Variants in DAB2IP observed in about 807,000 individuals in gnomAD.
DAB2IP encodes DAB2 interacting protein.
Under a neutral mutation model 107.2 loss-of-function variants are expected in DAB2IP, and 28 were observed. That is an observed-to-expected ratio of 0.26 (90% CI 0.19 to 0.36). DAB2IP has a LOEUF of 0.36. Among genes scored for constraint, DAB2IP ranks in the 10% least tolerant of loss-of-function variants. The pLI, the probability that DAB2IP is intolerant of heterozygous loss-of-function variation, is 1.00. For synonymous variants in DAB2IP, 755 were observed against 706.4 expected, an observed-to-expected ratio of 1.07 and a Z score of -1.09; for missense variants, 1,400 against 1,644.7, an observed-to-expected ratio of 0.85 and a Z score of 2.57.
rs115210365 is a variant in DAB2IP, at chr9:121,659,318, G to A, written c.124+7419G>A. 6.6e-3 allele frequency among the ~76,000 whole-genome samples: 1,011 copies of A among 152,276 alleles called. 14 individuals are homozygous for A. Among genetic ancestry groups the A allele is most frequent in the African/African-American group, 0.023 (960 of 41,536 alleles). On this transcript the variant is annotated intron_variant, in intron 1 of 15. Coordinates refer to ENST00000408936, the Ensembl canonical transcript of DAB2IP. ...TCTATCCATTTACACCTCTATTCTG[G>A]GGACACAGAGTTTGGCCTAGGAGCG... is the stretch of plus-strand genomic sequence containing the variant.
chr9:121,749,580 G>A (rs1230484071), intron 3 of DAB2IP, among the ~76,000 whole-genome samples: 1 of 152,226 alleles, frequency 6.6e-6, no homozygotes, highest in Non-Finnish European at 1.5e-5. Context: ...ACACAGGCTG[G>A]TGGGCTGGAG....
At chr9:121,631,536 G>A (rs1194310181) in intron 1 of DAB2IP, among the ~76,000 whole-genome samples, 4 of 152,096 alleles carry the variant, frequency 2.6e-5, no homozygotes, top group Non-Finnish European at 4.4e-5. Context: ...AGAAGCTTGC[G>A]GCCCGACGCG....
chr9:121,738,603 G>A (rs1832099922), intron 3 of DAB2IP, among the ~76,000 whole-genome samples: 1 of 152,176 alleles, frequency 6.6e-6, no homozygotes, highest in Admixed American at 6.5e-5. Flanking sequence ...TTCCAGAGCA[G>A]TTAAACGAAA....
intron 1 of DAB2IP, among the ~76,000 whole-genome samples, chr9:121,596,146 C>A (rs1169236237): frequency 6.6e-6 from 1 of 152,096 alleles, no homozygotes; most frequent in Non-Finnish European, 1.5e-5. Context: ...CATGGAGAAA[C>A]CCTGTCTCTA....
At chr9:121,660,259 G>A (rs969983688) in intron 1 of DAB2IP, among the ~76,000 whole-genome samples, 1 of 152,164 alleles carries the variant, frequency 6.6e-6, no homozygotes, top group Non-Finnish European at 1.5e-5. Flanking sequence ...CTCCCAGGTG[G>A]TGTTATCAGC....
At chr9:121,675,866 G>A (rs1263085339) in intron 1 of DAB2IP, among the ~76,000 whole-genome samples, 1 of 152,202 alleles carries the variant, frequency 6.6e-6, no homozygotes, top group Admixed American at 6.5e-5. Flanking sequence ...GTGCGAAGGG[G>A]TGAGAGATGA....
At chr9:121,712,345 C>T (rs924885798) in intron 3 of DAB2IP, among the ~76,000 whole-genome samples, 1 of 152,206 alleles carries the variant, frequency 6.6e-6, no homozygotes, top group Non-Finnish European at 1.5e-5. Flanking sequence ...GTGTGATCAG[C>T]TGTTGTGGGG....
rs1444553686 is a variant in DAB2IP at position 121,599,889 on chromosome 9, G to A, written c.40+32661G>A. On this transcript the variant is annotated intron_variant, in intron 1 of 16. Transcript: ENST00000259371. This position sits in a 1 kb window ranked among gnomAD's most constrained non-coding sequence, Gnocchi z 6.9. ...GCGAGGTGTTGGGGTAGGGGACTGA[G>A]GAATGGGCGGCGACTTTGCTTTATT... Among the ~76,000 whole-genome samples, 1 of 152,178 alleles carries A rather than the reference G, an allele frequency of 6.6e-6. No individual in the cohort carries two copies. Among genetic ancestry groups the A allele is most frequent in the Non-Finnish European group, 1.5e-5 (1 of 68,010 alleles).
At chr9:121,675,383 T>C (rs1347858719) in intron 1 of DAB2IP, among the ~76,000 whole-genome samples, 2 of 152,128 alleles carry the variant, frequency 1.3e-5, no homozygotes, top group Non-Finnish European at 1.5e-5. Flanking sequence ...TGAGGTAGAA[T>C]GGCTTTCGGT....
chr9:121,626,867 G>T (rs1198326247), intron 1 of DAB2IP, among the ~76,000 whole-genome samples: 1 of 152,060 alleles, frequency 6.6e-6, no homozygotes, highest in Non-Finnish European at 1.5e-5. Context: ...AATTTCTAAA[G>T]ACTTTTAATC....
chr9:121,700,479 G>A (rs1421974376), intron 3 of DAB2IP, among the ~76,000 whole-genome samples: 3 of 152,260 alleles, frequency 2.0e-5, no homozygotes, highest in East Asian at 3.9e-4. Flanking sequence ...GGCAGGCACC[G>A]AGGAGCCTTT....
intron 1 of DAB2IP, among the ~76,000 whole-genome samples, chr9:121,607,063 C>T (rs557832882): frequency 6.6e-6 from 1 of 152,280 alleles, no homozygotes; most frequent in South Asian, 2.1e-4. Flanking sequence ...GCATGAGCCA[C>T]CATGCCTGGC....
intron 1 of DAB2IP, among the ~76,000 whole-genome samples, chr9:121,640,789 C>G (rs564316565): frequency 2.0e-5 from 3 of 152,306 alleles, no homozygotes; most frequent in African/African-American, 7.2e-5. Flanking sequence ...GCCTCTGGAC[C>G]TCTGACTTGA....
At chr9:121,666,598 G>T (rs750383275) in intron 1 of DAB2IP, among the ~76,000 whole-genome samples, 4 of 152,104 alleles carry the variant, frequency 2.6e-5, no homozygotes, top group African/African-American at 9.7e-5. Flanking sequence ...GCCTGTCGGC[G>T]GGTTGGGGGG....
chr9:121,619,427 G>A (rs1010234452), intron 1 of DAB2IP, among the ~76,000 whole-genome samples: 2 of 152,212 alleles, frequency 1.3e-5, no homozygotes, highest in African/African-American at 2.4e-5. Flanking sequence ...GATTACAGGC[G>A]TGAGCCACTG....
chr9:121,694,300 G>A (rs1829308296), intron 2 of DAB2IP, among the ~76,000 whole-genome samples: 1 of 152,140 alleles, frequency 6.6e-6, no homozygotes, highest in South Asian at 2.1e-4. Flanking sequence ...ACTTCTCTGA[G>A]CCTGCATTCC....
At chr9:121,730,141 G>T (rs911317884) in intron 3 of DAB2IP, among the ~76,000 whole-genome samples, 4 of 152,250 alleles carry the variant, frequency 2.6e-5, no homozygotes, top group Middle Eastern at 3.4e-3. Context: ...CCCACTGGCC[G>T]CCAAGGAAAG....
In DAB2IP at chr9:121,737,604, C is replaced by T. The variant is rs1195059204; in HGVS notation, c.363-19409C>T. 5.1e-6 allele frequency: 5 copies of T among 985,430 alleles called. No individual in the cohort carries two copies. The East Asian group carries it at 4.5e-4, about 89-fold the overall frequency. 61.0% of individuals were successfully genotyped at this position (985,430 alleles called of 1,614,324 possible). A position where few individuals can be genotyped will look rare whatever the true frequency, so the allele number is the denominator to read the frequency against. On this transcript the variant is annotated intron_variant, in intron 3 of 15. Transcript: ENST00000408936. Reference sequence around the variant, plus strand: ...AAGATCCTGGGCCGGGCCGGAGGGGCTGCTCACTGGAGACCTGGCCATCTT... The same window carrying T: ...AAGATCCTGGGCCGGGCCGGAGGGGTTGCTCACTGGAGACCTGGCCATCTT...
chr9:121,637,651 T>G (rs1314054614), intron 1 of DAB2IP, among the ~76,000 whole-genome samples: 1 of 152,212 alleles, frequency 6.6e-6, no homozygotes, highest in Admixed American at 6.5e-5. Flanking sequence ...GGTTTGGGTC[T>G]GAAATGACCC....
Sources: gnomAD v4.1 joint callset for allele counts (sites outside exome capture counted in the v4.1 genomes callset) on GRCh38, gnomAD v4.1.1 for gene constraint, Gnocchi (gnomAD v3.1) non-coding constraint, MANE v1.5 for transcripts, NCBI Gene and HGNC (gene_info 2026-07-23, HGNC 2026-07-21) for gene names.